Variants in C12orf56 observed in about 807,000 individuals in gnomAD.
The protein encoded by C12orf56 is uncharacterized protein C12orf56.
C12orf56 carries 71 observed loss-of-function variants against 69.9 expected under a neutral mutation model. The observed-to-expected ratio is 1.02, with a 90% CI of 0.84 to 1.24. C12orf56 has a LOEUF of 1.24. Ranked by LOEUF, C12orf56 falls within the 50% of genes most tolerant of loss-of-function variation. C12orf56 has a pLI of 0.00. For missense variants in C12orf56, 732 were observed against 738.5 expected, an observed-to-expected ratio of 0.99 and a Z score of 0.10; for synonymous variants, 276 against 274.1, an observed-to-expected ratio of 1.01 and a Z score of -0.07.
At chr12:64,284,098 A>G (rs1053934455) in intron 8 of C12orf56, among the ~76,000 whole-genome samples, 3 of 152,012 alleles carry the variant, frequency 2.0e-5, no homozygotes, top group African/African-American at 4.8e-5. Flanking sequence ...GGGTTTCACC[A>G]TGTTGGTCAG....
chr12:64,306,060 A>AT (rs2038508089), intron 5 of C12orf56, among the ~76,000 whole-genome samples: 1 of 151,988 alleles, frequency 6.6e-6, no homozygotes, highest in Non-Finnish European at 1.5e-5. Context: ...TGCCAAACTA[A>AT]TTTTTTTTAA....
chr12:64,328,706 AATATATATATATATATATATAT>A (rs138783628), intron 3 of C12orf56, among the ~76,000 whole-genome samples: 12 of 15,112 alleles, frequency 7.9e-4, no homozygotes, highest in South Asian at 2.3e-3. Flanking sequence ...AAAAAAAAAA[AATATATATATATATATATATAT>A]ATATATATAG....
intron 2 of C12orf56, among the ~76,000 whole-genome samples, chr12:64,333,410 T>G: frequency 6.6e-6 from 1 of 151,942 alleles, no homozygotes; most frequent in African/African-American, 2.4e-5. Context: ...CTCTTTTTTG[T>G]GCGAAGTCAT....
At chr12:64,370,147 C>T (rs2039550765) in intron 1 of C12orf56, among the ~76,000 whole-genome samples, 1 of 151,744 alleles carries the variant, frequency 6.6e-6, no homozygotes, top group Non-Finnish European at 1.5e-5. Context: ...TAGTTTCAGA[C>T]CAGCCTGGCC....
At chr12:64,368,097 T>G (rs12229919) in intron 1 of C12orf56, among the ~76,000 whole-genome samples, 1 of 151,934 alleles carries the variant, frequency 6.6e-6, no homozygotes, top group Admixed American at 6.6e-5. Context: ...TGTGAGCCAC[T>G]GCGCCTGGCC....
intron 4 of C12orf56, 29 bp downstream of exon 4, chr12:64,318,546 G>A (rs906155017): frequency 7.5e-6 from 11 of 1,470,040 alleles, no homozygotes; most frequent in Non-Finnish European, 9.9e-6. Flanking sequence ...TAAAAATTCA[G>A]GTTAAGGTTA....
At chr12:64,304,604 T>A (rs917736973) in intron 5 of C12orf56, among the ~76,000 whole-genome samples, 2 of 152,146 alleles carry the variant, frequency 1.3e-5, no homozygotes, top group African/African-American at 4.8e-5. Context: ...ACCTATCCTA[T>A]CCCCTCAGCT....
At chr12:64,322,231 C>G (rs992316115) in intron 3 of C12orf56, among the ~76,000 whole-genome samples, 1 of 151,818 alleles carries the variant, frequency 6.6e-6, no homozygotes, top group Non-Finnish European at 1.5e-5. Flanking sequence ...ACACAGTACC[C>G]TGAGATTCTG....
chr12:64,369,635 A>T (rs2039543057), intron 1 of C12orf56, among the ~76,000 whole-genome samples: 1 of 152,206 alleles, frequency 6.6e-6, no homozygotes, highest in Admixed American at 6.5e-5. Flanking sequence ...AATAGCACAA[A>T]GGAGGGGAAG....
intron 4 of C12orf56, among the ~76,000 whole-genome samples, chr12:64,313,722 G>A (rs1224953763): frequency 6.6e-6 from 1 of 151,440 alleles, no homozygotes; most frequent in Non-Finnish European, 1.5e-5. Flanking sequence ...ATATATGGTG[G>A]ATGGTTTTTC....
At chr12:64,373,937 C>T (rs936748372) in intron 1 of C12orf56, among the ~76,000 whole-genome samples, 1 of 152,108 alleles carries the variant, frequency 6.6e-6, no homozygotes, top group Non-Finnish European at 1.5e-5. Flanking sequence ...TGTACATAAG[C>T]TTAGTCTTAA....
intron 6 of C12orf56, among the ~76,000 whole-genome samples, chr12:64,288,925 G>A (rs11175314): frequency 6.8e-6 from 1 of 147,564 alleles, no homozygotes; most frequent in East Asian, 2.0e-4. Context: ...CATTGAATCT[G>A]TAAATTACCT....
intron 2 of C12orf56, among the ~76,000 whole-genome samples, chr12:64,350,296 A>G (rs2039205653): frequency 6.6e-6 from 1 of 152,214 alleles, no homozygotes; most frequent in Admixed American, 6.5e-5. Flanking sequence ...TCATGTAACA[A>G]AATATGACCT....
At chr12:64,366,916 A>G (rs1262111627) in intron 1 of C12orf56, among the ~76,000 whole-genome samples, 1 of 129,824 alleles carries the variant, frequency 7.7e-6, no homozygotes, top group Non-Finnish European at 1.5e-5. Flanking sequence ...ATTATATATA[A>G]CACAGTTTAT....
intron 2 of C12orf56, among the ~76,000 whole-genome samples, chr12:64,344,142 T>C (rs972202620): frequency 6.6e-6 from 1 of 152,150 alleles, no homozygotes; most frequent in Non-Finnish European, 1.5e-5. Flanking sequence ...ATCATTTCCC[T>C]TTCCCAAATG....
chr12:64,390,233 C>A, intron 1 of C12orf56, 81 bp downstream of exon 1: 2 of 1,465,942 alleles, frequency 1.4e-6, no homozygotes, highest in Non-Finnish European at 1.8e-6. Context: ...GCCCTCCCCG[C>A]GCAGGAGGGC....
At chr12:64,387,144 A>G (rs1371269404) in intron 1 of C12orf56, among the ~76,000 whole-genome samples, 1 of 148,826 alleles carries the variant, frequency 6.7e-6, no homozygotes, top group African/African-American at 2.5e-5. Flanking sequence ...CAGATACTCC[A>G]GATTAATTTC....
chr12:64,319,979 C>T (rs1025389752), intron 3 of C12orf56, among the ~76,000 whole-genome samples: 1 of 152,018 alleles, frequency 6.6e-6, no homozygotes, highest in African/African-American at 2.4e-5. Flanking sequence ...TCCTGTTTGC[C>T]GCCTTGGCAG....
intron 11 of C12orf56, among the ~76,000 whole-genome samples, chr12:64,273,863 G>A (rs898341953): frequency 6.6e-6 from 1 of 152,162 alleles, no homozygotes; most frequent in South Asian, 2.1e-4. Flanking sequence ...CACAGAGACC[G>A]CCTCCACCCC....
Sources: gnomAD v4.1 joint callset for allele counts (sites outside exome capture counted in the v4.1 genomes callset) on GRCh38, gnomAD v4.1.1 for gene constraint, MANE v1.5 for transcripts, NCBI Gene and HGNC (gene_info 2026-07-23, HGNC 2026-07-21) for gene names.